C8orf34: variants seen among roughly 807,000 people sequenced by gnomAD.
The protein encoded by C8orf34 is uncharacterized protein C8orf34.
C8orf34 carries 65 observed loss-of-function variants against 68.3 expected under a neutral mutation model. The ratio of observed to expected loss-of-function variants is 0.95; its 90% confidence interval spans 0.78 to 1.17. The LOEUF is 1.17. C8orf34 is among the 50% of genes most tolerant of loss of function. The probability of loss-of-function intolerance (pLI) is 0.00; values close to 1 mark genes in which losing one functional copy is unlikely to be tolerated. For missense variants in C8orf34, 664 were observed against 655.4 expected, an observed-to-expected ratio of 1.01 and a Z score of -0.14; for synonymous variants, 244 against 241.2, an observed-to-expected ratio of 1.01 and a Z score of -0.11.
intron 5 of C8orf34, among the ~76,000 whole-genome samples, chr8:68,510,624 T>C (rs974322462): frequency 2.1e-5 from 3 of 142,668 alleles, no homozygotes; most frequent in Non-Finnish European, 4.4e-5. Flanking sequence ...TTTCCTGTAC[T>C]CATTTATGTT....
At chr8:68,541,388 C>CT (rs1424404172) in intron 7 of C8orf34, among the ~76,000 whole-genome samples, 15 of 151,772 alleles carry the variant, frequency 9.9e-5, no homozygotes, top group African/African-American at 3.6e-4. Flanking sequence ...ATCACTTGAG[C>CT]CCAGGAGGTT....
intron 7 of C8orf34, chr8:68,534,862 G>C: frequency 1.0e-6 from 1 of 985,318 alleles, no homozygotes; most frequent in Non-Finnish European, 1.2e-6. Context: ...GAAGACCGAG[G>C]ATTGAGTCTT....
chr8:68,642,940 C>T (rs1819055119), intron 8 of C8orf34, among the ~76,000 whole-genome samples: 4 of 152,166 alleles, frequency 2.6e-5, no homozygotes, highest in Admixed American at 2.6e-4. Context: ...AGGGTTCATG[C>T]CCCTGTGAGA....
chr8:68,566,211 G>A (rs908317111), intron 7 of C8orf34, among the ~76,000 whole-genome samples: 5 of 152,070 alleles, frequency 3.3e-5, no homozygotes, highest in African/African-American at 1.2e-4. Flanking sequence ...TTGTTACATA[G>A]GTTAAGTCAT....
At chr8:68,382,675 C>A (rs753604520) in intron 1 of C8orf34, among the ~76,000 whole-genome samples, 1 of 152,150 alleles carries the variant, frequency 6.6e-6, no homozygotes, top group Non-Finnish European at 1.5e-5. Context: ...CTCTTCAGGC[C>A]ATTTCTTCTC....
intron 5 of C8orf34, among the ~76,000 whole-genome samples, chr8:68,516,753 G>A (rs1045480186): frequency 7.2e-5 from 11 of 152,026 alleles, no homozygotes; most frequent in African/African-American, 2.7e-4. Flanking sequence ...TGATTCTCCT[G>A]CATCTGCCTC....
chr8:68,668,480 G>A (rs1585701363), intron 8 of C8orf34, among the ~76,000 whole-genome samples: 1 of 152,240 alleles, frequency 6.6e-6, no homozygotes, highest in East Asian at 1.9e-4. Context: ...TGACATGGTA[G>A]AAAAATGGAA....
intron 1 of C8orf34, among the ~76,000 whole-genome samples, chr8:68,345,300 G>A (rs1028552250): frequency 6.6e-6 from 1 of 151,892 alleles, no homozygotes; most frequent in Non-Finnish European, 1.5e-5. Flanking sequence ...AGAATTTAAA[G>A]TGAGGTACAT....
intron 8 of C8orf34, among the ~76,000 whole-genome samples, chr8:68,649,895 A>T (rs1436234856): frequency 6.6e-6 from 1 of 152,080 alleles, no homozygotes; most frequent in African/African-American, 2.4e-5. Flanking sequence ...TGGGGATGAT[A>T]ATTTTTGCCT....
At chr8:68,502,830 T>C (rs1358189928) in intron 5 of C8orf34, among the ~76,000 whole-genome samples, 1 of 152,182 alleles carries the variant, frequency 6.6e-6, no homozygotes, top group African/African-American at 2.4e-5. Context: ...CAGTGGGACA[T>C]TATGTGCCTC....
chr8:68,414,658 A>T (rs941388802), intron 1 of C8orf34, among the ~76,000 whole-genome samples: 9 of 152,180 alleles, frequency 5.9e-5, no homozygotes, highest in African/African-American at 2.2e-4. Flanking sequence ...GTAAAATAAA[A>T]TGATTTCCTA....
At chr8:68,421,005 T>C (rs918393526) in intron 1 of C8orf34, among the ~76,000 whole-genome samples, 2 of 152,062 alleles carry the variant, frequency 1.3e-5, no homozygotes, top group Non-Finnish European at 2.9e-5. Context: ...TTTGAAGAGA[T>C]ACTAGCTGAG....
chr8:68,549,717 AG>A (rs1816002152), intron 7 of C8orf34, among the ~76,000 whole-genome samples: 1 of 151,756 alleles, frequency 6.6e-6, no homozygotes, highest in African/African-American at 2.4e-5. Flanking sequence ...TAATTATAAT[AG>A]TAGATTTATC....
At chr8:68,552,304 A>G (rs1816099589) in intron 7 of C8orf34, among the ~76,000 whole-genome samples, 3 of 152,184 alleles carry the variant, frequency 2.0e-5, no homozygotes, top group Non-Finnish European at 2.9e-5. Flanking sequence ...AGTATTACCT[A>G]TATTAACTAT....
chr8:68,689,110 G>A (rs1366291908), intron 8 of C8orf34, among the ~76,000 whole-genome samples: 6 of 152,074 alleles, frequency 3.9e-5, no homozygotes, highest in African/African-American at 1.4e-4. Context: ...AGATGGAGCT[G>A]GAGGTCATTG....
chr8:68,446,835 G>T, intron 3 of C8orf34: 2 of 229,904 alleles, frequency 8.7e-6, no homozygotes, highest in Non-Finnish European at 1.7e-5. Flanking sequence ...TAGAAGCAAA[G>T]AAGATTTCTA....
chr8:68,693,788 A>G (rs76157548), intron 8 of C8orf34, among the ~76,000 whole-genome samples: 14,371 of 152,140 alleles, frequency 0.094, 709 homozygotes, highest in Middle Eastern at 0.16. Flanking sequence ...CAGTTCTGCC[A>G]CTTCCTAGCT....
At chr8:68,678,822 A>G (rs572567333) in intron 8 of C8orf34, among the ~76,000 whole-genome samples, 1 of 148,102 alleles carries the variant, frequency 6.8e-6, no homozygotes, top group South Asian at 2.3e-4. Flanking sequence ...TGCTGATGAT[A>G]TGATCTTATA....
At chr8:68,762,745 C>A (rs1178193099) in intron 10 of C8orf34, among the ~76,000 whole-genome samples, 2 of 152,164 alleles carry the variant, frequency 1.3e-5, no homozygotes, top group Non-Finnish European at 2.9e-5. Context: ...TGTGGTTTGG[C>A]CTTCTCAGGG....
Sources: allele counts gnomAD v4.1 joint callset (sites outside exome capture counted in the v4.1 genomes callset), GRCh38; gene constraint gnomAD v4.1.1; transcripts MANE v1.5; gene names NCBI Gene and HGNC (gene_info 2026-07-23, HGNC 2026-07-21).